Variants in MED1 observed in about 807,000 individuals in gnomAD.
The protein encoded by MED1 is mediator complex subunit 1, also known as mediator of RNA polymerase II transcription subunit 1.
A neutral mutation model predicts 121.3 loss-of-function variants in MED1; 17 were observed. That is an observed-to-expected ratio of 0.14 (90% confidence interval 0.10 to 0.21). MED1 has a LOEUF of 0.21. Among genes scored for constraint, MED1 ranks in the 10% least tolerant of loss-of-function variants. The pLI, the probability that MED1 is intolerant of heterozygous loss-of-function variation, is 1.00. For synonymous variants in MED1, 661 were observed against 694.4 expected, an observed-to-expected ratio of 0.95 and a Z score of 0.76; for missense variants, 1,558 against 1,919.4, an observed-to-expected ratio of 0.81 and a Z score of 3.52.
chr17:39,432,543 T>C lies in MED1; in HGVS notation c.501-527A>G, dbSNP rs112571578. Reference sequence around the variant, plus strand: ...AGGGCAGATTGCCTGAGCTCAGGAGTTTGAGACCAGCCTGGGCAACACGGT... The same window carrying C: ...AGGGCAGATTGCCTGAGCTCAGGAGCTTGAGACCAGCCTGGGCAACACGGT... On this transcript the variant is annotated intron_variant, in intron 7 of 16. Coordinates refer to ENST00000300651, the MANE Select transcript of MED1 (RefSeq NM_004774.4). Among the ~76,000 whole-genome samples the C allele has an allele frequency of 2.6e-4, 39 of 148,946 alleles. 1 individual carries two copies. Among genetic ancestry groups the C allele is most frequent in the Middle Eastern group, 3.4e-3 (1 of 290 alleles).
intron 14 of MED1, 94 bp downstream of exon 14, chr17:39,419,623 G>A (rs1451677088): frequency 4.7e-6 from 6 of 1,280,998 alleles, no homozygotes; most frequent in Admixed American, 2.2e-5. Context: ...CTTTTTTTAA[G>A]TTCTACAGGT....
In MED1 at chr17:39,409,799, G is replaced by T; in HGVS notation, c.2422C>A (p.Arg808=). The T allele has an allele frequency of 6.2e-7, 1 of 1,614,174 alleles. No homozygotes were observed. Among genetic ancestry groups the T allele is most frequent in the Non-Finnish European group, 8.5e-7 (1 of 1,180,022 alleles). ...GAATGCCCAGAGCTTGAAGAATCTC[G>T]AAGAGGGGTGCCAATGGCTGGGCAA... ...DDCPAIGTPL[R]DSSSSGHSQS... The change falls in exon 17 of 17, where the codon CGA becomes AGA. Residue 808 remains arginine (R), a synonymous_variant. Coordinates refer to ENST00000300651, the MANE Select transcript of MED1 (RefSeq NM_004774.4).
chr17:39,437,223 C>T (rs2048628708), intron 6 of MED1, among the ~76,000 whole-genome samples: 1 of 152,122 alleles, frequency 6.6e-6, no homozygotes, highest in African/African-American at 2.4e-5. Flanking sequence ...TGAGCCATCG[C>T]GCCTGGCCTC....
chr17:39,421,421 A>G (rs1004949196), intron 13 of MED1, among the ~76,000 whole-genome samples: 8 of 148,326 alleles, frequency 5.4e-5, no homozygotes, highest in Admixed American at 2.7e-4. Flanking sequence ...ATGGTGGTGC[A>G]CACCTACAGT....
Position 39,440,776 on chromosome 17 carries a change from A to G in MED1, c.212-99T>C, listed in dbSNP as rs1452466632. On this transcript the variant is annotated intron_variant, in intron 3 of 16. Coordinates refer to ENST00000300651, the MANE Select transcript of MED1 (RefSeq NM_004774.4). The surrounding 1 kb of genome is among the most constrained non-coding windows in gnomAD (Gnocchi z 4.1). Reference sequence around the variant, plus strand: ...GATTCATCCTTCCAAAACCGTAAACATATTCAGTAGTTCAAATGCTTGTAA... The same window carrying G: ...GATTCATCCTTCCAAAACCGTAAACGTATTCAGTAGTTCAAATGCTTGTAA... 1 of 1,157,272 alleles carries G rather than the reference A, an allele frequency of 8.6e-7. No individual in the cohort carries two copies. The highest frequency in any genetic ancestry group is 2.1e-5 in the Admixed American group (1 of 47,840). The allele number at this position is 1,157,272 out of a possible 1,614,324, so 71.7% of individuals were successfully genotyped here. A position where few individuals can be genotyped will look rare whatever the true frequency, so the allele number is the denominator to read the frequency against.
chr17:39,429,845 G>A (rs1417739145), intron 9 of MED1, among the ~76,000 whole-genome samples: 1 of 151,750 alleles, frequency 6.6e-6, no homozygotes, highest in Non-Finnish European at 1.5e-5. Flanking sequence ...CCAACCCTTT[G>A]CAATGCAGTG....
Position 39,407,449 on chromosome 17 carries a change from CCT to C in MED1, c.*24_*25del. ...TATCAATAGTTTTTTTTCCTCTGGC[CCT>C]GTTTCTTTTAGGAAATAAGGTTCCT... On this transcript the variant is annotated 3_prime_UTR_variant, in exon 17 of 17. Coordinates refer to ENST00000300651, the MANE Select transcript of MED1 (RefSeq NM_004774.4). 2 of 1,572,630 alleles carry C rather than the reference CCT, an allele frequency of 1.3e-6. No individual in the cohort carries two copies. Among genetic ancestry groups the C allele is most frequent in the East Asian group, 2.2e-5 (1 of 44,460 alleles).
chr17:39,409,505 A>C lies in MED1; in HGVS notation c.2716T>G (p.Leu906Val), dbSNP rs563780604. Residue 906 changes from leucine to valine, a missense_variant, in exon 17 of 17, where the codon TTG becomes GTG. Coordinates refer to ENST00000300651, the MANE Select transcript of MED1 (RefSeq NM_004774.4). ...KGFASQALNT[L>V]GVPMLGGDNG... is the part of the protein sequence containing the mutation. Reference sequence around the variant, plus strand: ...TCACCTCCAAGCATTGGCACCCCCAAAGTATTTAGTGCCTGAGATGCAAAT... The same window carrying C: ...TCACCTCCAAGCATTGGCACCCCCACAGTATTTAGTGCCTGAGATGCAAAT... The C allele has an allele frequency of 6.2e-7, 1 of 1,613,994 alleles. No homozygotes were observed. Among genetic ancestry groups the C allele is most frequent in the Non-Finnish European group, 8.5e-7 (1 of 1,180,020 alleles).
At chr17:39,441,310 G>T (rs1282299307) in intron 3 of MED1, among the ~76,000 whole-genome samples, 1 of 152,148 alleles carries the variant, frequency 6.6e-6, no homozygotes, top group Non-Finnish European at 1.5e-5. Flanking sequence ...CTGGGGGAAG[G>T]CGGGAATGGG....
intron 2 of MED1, among the ~76,000 whole-genome samples, chr17:39,445,850 G>A (rs1336418726): frequency 6.6e-6 from 1 of 151,680 alleles, no homozygotes; most frequent in Non-Finnish European, 1.5e-5. Flanking sequence ...CTAACATGGT[G>A]AAACCCCATC....
rs1418948738 is a variant in MED1, at chr17:39,407,015, C to G, written c.*460G>C. 1 of 986,910 alleles carries G rather than the reference C, an allele frequency of 1.0e-6. No individual in the cohort carries two copies. The highest frequency in any genetic ancestry group is 1.2e-6 in the Non-Finnish European group (1 of 830,670). 61.1% of individuals were successfully genotyped at this position (986,910 alleles called of 1,614,324 possible). A position where few individuals can be genotyped will look rare whatever the true frequency, so the allele number is the denominator to read the frequency against. ...GACTCAAACGGACAACTACCTCAAA[C>G]AAAGTTGAACAACCTTCATGCAAAT... On this transcript the variant is annotated 3_prime_UTR_variant, in exon 17 of 17. Transcript: ENST00000300651.
chr17:39,438,752 C>T (rs1021277503), intron 6 of MED1, among the ~76,000 whole-genome samples: 1 of 152,132 alleles, frequency 6.6e-6, no homozygotes, highest in Non-Finnish European at 1.5e-5. Flanking sequence ...GGATTACAGG[C>T]GTGAGCCACC....
rs369541024 is a variant in MED1, at chr17:39,408,523, T to G, written c.3698A>C (p.His1233Pro). The change falls in exon 17 of 17, where the codon CAT becomes CCT. Residue 1233 changes from histidine (H) to proline (P), a missense_variant. By Grantham distance (77) the His-to-Pro change is moderately conservative. Coordinates refer to ENST00000300651, the MANE Select transcript of MED1 (RefSeq NM_004774.4). This position sits in a 1 kb window ranked among gnomAD's most constrained non-coding sequence, Gnocchi z 4.7. ...AGAGCTTGAACTAGTTCCAGACATA[T>G]GAGAACCACCAGAACCTGAACTGAT... ...SPISSGSGGS[H>P]MSGTSSSSGM... 1 of 1,614,158 alleles carries G rather than the reference T, an allele frequency of 6.2e-7. No individual in the cohort carries two copies. The highest frequency in any genetic ancestry group is 8.5e-7 in the Non-Finnish European group (1 of 1,180,020).
chr17:39,440,073 AAAGCAAGC>A lies in MED1; in HGVS notation c.399+305_399+312del, dbSNP rs370296435. On this transcript the variant is annotated intron_variant, in intron 5 of 16. Coordinates refer to ENST00000300651, the MANE Select transcript of MED1 (RefSeq NM_004774.4). This position sits in a 1 kb window ranked among gnomAD's most constrained non-coding sequence, Gnocchi z 4.1. ...GAAAGAAAAGAAAGAAAAGAAAAAGAAAGCAAGCAAGCAAGCAAGAAAGAAAGAAAGAA... is the reference window on the plus strand; with the variant it reads ...GAAAGAAAAGAAAGAAAAGAAAAAGAAAGCAAGCAAGAAAGAAAGAAAGAA... Among the ~76,000 whole-genome samples the A allele has an allele frequency of 6.6e-4, 100 of 151,700 alleles. No homozygotes were observed. Among genetic ancestry groups the A allele is most frequent in the African/African-American group, 1.3e-3 (55 of 41,288 alleles).
chr17:39,422,869 T>TC (rs1446662381), intron 13 of MED1, among the ~76,000 whole-genome samples: 2 of 142,194 alleles, frequency 1.4e-5, no homozygotes, highest in African/African-American at 5.1e-5. Flanking sequence ...ATTTCTTTTT[T>TC]TTTTTTTTTT....
chr17:39,440,014 G>GA lies in MED1; in HGVS notation c.399+371dup, dbSNP rs1480058138. On this transcript the variant is annotated intron_variant, in intron 5 of 16. Coordinates refer to ENST00000300651, the MANE Select transcript of MED1 (RefSeq NM_004774.4). The surrounding 1 kb of genome is among the most constrained non-coding windows in gnomAD (Gnocchi z 4.1). Reference sequence around the variant, plus strand: ...GGAAGGAAGGAAGGAAGGAAGGAAGGAAGGAAAGAAAGAAAGAAAGAGAGA... The same window carrying GA: ...GGAAGGAAGGAAGGAAGGAAGGAAGGAAAGGAAAGAAAGAAAGAAAGAGAGA... Among the ~76,000 whole-genome samples, 1 of 127,408 alleles carries GA rather than the reference G, an allele frequency of 7.8e-6. No homozygotes were observed. Among genetic ancestry groups the GA allele is most frequent in the African/African-American group, 2.8e-5 (1 of 35,974 alleles). 83.6% of individuals were successfully genotyped at this position (127,408 alleles called of 152,430 possible). A position where few individuals can be genotyped will look rare whatever the true frequency, so the allele number is the denominator to read the frequency against.
intron 9 of MED1, among the ~76,000 whole-genome samples, chr17:39,430,036 T>C (rs1597865662): frequency 6.6e-6 from 1 of 152,162 alleles, no homozygotes; most frequent in African/African-American, 2.4e-5. Context: ...TGAGTCATGA[T>C]TGCACGACTG....
At chr17:39,418,874 G>A (rs1023171335) in intron 14 of MED1, among the ~76,000 whole-genome samples, 14 of 149,958 alleles carry the variant, frequency 9.3e-5, no homozygotes, top group African/African-American at 2.4e-4. Context: ...TGCAACCTCC[G>A]CCTCCTGGGT....
Position 39,408,410 on chromosome 17 carries a change from A to G in MED1, c.3811T>C (p.Ser1271Pro). The part of the protein sequence containing the change: ...PSSNSCTASS[S>P]SFSSSGSSMS... ...GAAGAGCCACTTGAGGAAAAGGAGG[A>G]GGAAGATGCCGTACAGGAATTAGAT... The change falls in exon 17 of 17, where the codon TCC becomes CCC. Residue 1271 changes from serine to proline, a missense_variant. By Grantham distance (74) the Ser-to-Pro change is moderately conservative. Around this residue, in one of 5 missense-constraint regions of MED1, gnomAD observed 793 missense variants for 898.2 expected, o/e 0.88. Transcript: ENST00000300651. This position sits in a 1 kb window ranked among gnomAD's most constrained non-coding sequence, Gnocchi z 4.7. The G allele has an allele frequency of 6.2e-7, 1 of 1,614,180 alleles. No individual in the cohort carries two copies. The highest frequency in any genetic ancestry group is 8.5e-7 in the Non-Finnish European group (1 of 1,180,042).
Sources: allele counts gnomAD v4.1 joint callset (sites outside exome capture counted in the v4.1 genomes callset), GRCh38; gene constraint gnomAD v4.1.1; regional missense constraint gnomAD v4.1.1; non-coding constraint Gnocchi (gnomAD v3.1); transcripts MANE v1.5; gene names NCBI Gene and HGNC (gene_info 2026-07-23, HGNC 2026-07-21).